Variants in ANO2 observed in about 807,000 individuals in gnomAD.
ANO2 encodes the protein anoctamin-2.
Under a neutral mutation model 124.2 loss-of-function variants are expected in ANO2, and 101 were observed. The ratio of observed to expected loss-of-function variants is 0.81; its 90% CI spans 0.69 to 0.96. The LOEUF (loss-of-function observed/expected upper bound fraction) is 0.96, where lower values mean the gene tolerates loss of function less well. Among genes scored for constraint, ANO2 ranks in the 40% least tolerant of loss-of-function variants. The pLI, the probability that ANO2 is intolerant of heterozygous loss-of-function variation, is 0.00. For missense variants in ANO2, 1,293 were observed against 1,274.5 expected (o/e 1.01, Z -0.22); for synonymous variants, 486 against 482.5 (o/e 1.01, Z -0.09).
intron 13 of ANO2, among the ~76,000 whole-genome samples, chr12:5,734,025 TA>T (rs1159477936): frequency 1.3e-5 from 2 of 152,242 alleles, no homozygotes; most frequent in Non-Finnish European, 2.9e-5. Flanking sequence ...TGAACGCTTG[TA>T]AAGTGCACTT....
At chr12:5,665,868 C>T (rs1947685528) in intron 14 of ANO2, among the ~76,000 whole-genome samples, 1 of 152,078 alleles carries the variant, frequency 6.6e-6, no homozygotes, top group African/African-American at 2.4e-5. Context: ...AGAGCCACCC[C>T]CCTGTGCCAC....
intron 3 of ANO2, among the ~76,000 whole-genome samples, chr12:5,916,745 G>C (rs1941404425): frequency 6.7e-6 from 1 of 150,246 alleles, no homozygotes; most frequent in Non-Finnish European, 1.5e-5. Context: ...ACAAAACACT[G>C]TATCTTTTCC....
intron 14 of ANO2, among the ~76,000 whole-genome samples, chr12:5,689,612 C>T (rs1948848820): frequency 6.6e-6 from 1 of 152,124 alleles, no homozygotes; most frequent in Non-Finnish European, 1.5e-5. Flanking sequence ...TCTATCTTTC[C>T]TTCCAAACTC....
intron 22 of ANO2, among the ~76,000 whole-genome samples, chr12:5,576,974 C>T (rs1358058274): frequency 6.6e-6 from 1 of 152,102 alleles, no homozygotes; most frequent in African/African-American, 2.4e-5. Flanking sequence ...TTATTATCTC[C>T]CATTTGACAG....
rs56222447 is a variant in ANO2, at chr12:5,862,129, G to C, written c.535-7988C>G. Among the ~76,000 whole-genome samples, 2,640 of 152,240 alleles carry C rather than the reference G, an allele frequency of 0.017. 69 individuals are homozygous for C. Among genetic ancestry groups the C allele is most frequent in the African/African-American group, 0.056 (2,336 of 41,532 alleles). Reference sequence around the variant, plus strand: ...ATTTGGGATTAAGCAAAGGGAAGAAGTTCCTGCCTAGGGAAGGAAAGGTGG... The same window carrying C: ...ATTTGGGATTAAGCAAAGGGAAGAACTTCCTGCCTAGGGAAGGAAAGGTGG... On this transcript the variant is annotated intron_variant, in intron 3 of 24. Coordinates refer to ENST00000682330, the MANE Select transcript of ANO2 (RefSeq NM_001364791.2). The surrounding 1 kb of genome is among the most constrained non-coding windows in gnomAD (Gnocchi z 4.0).
At chr12:5,582,795 A>T (rs1267270709) in intron 20 of ANO2, among the ~76,000 whole-genome samples, 1 of 152,122 alleles carries the variant, frequency 6.6e-6, no homozygotes, top group South Asian at 2.1e-4. Flanking sequence ...ACATGCCACT[A>T]CTGTCTGTAA....
intron 12 of ANO2, chr12:5,741,065 G>A (rs1951079165): frequency 6.6e-6 from 1 of 152,348 alleles, no homozygotes; most frequent in Non-Finnish European, 1.5e-5. Flanking sequence ...TGGAAAGGGA[G>A]GGACATGACA....
rs372550101 is a variant in ANO2, at chr12:5,660,088, G to A, written c.1546-12287C>T. ...TGCAGAAGGTCCCTGACTTAATGAT[G>A]GTTCGACTTACAATTTTTCGACTTT... is the stretch of plus-strand genomic sequence containing the variant. On this transcript the variant is annotated intron_variant, in intron 14 of 24. Transcript: ENST00000682330. 8.5e-5 allele frequency among the ~76,000 whole-genome samples: 13 copies of A among 152,142 alleles called. No homozygotes were observed. In the South Asian group the frequency reaches 1.5e-3, roughly 17 times the overall value.
intron 3 of ANO2, among the ~76,000 whole-genome samples, chr12:5,915,818 A>C (rs1941346231): frequency 6.6e-6 from 1 of 152,256 alleles, no homozygotes; most frequent in Admixed American, 6.5e-5. Context: ...CCAACATGGC[A>C]TGGAGGGAGC....
chr12:5,791,223 T>C (rs1952685579), intron 10 of ANO2, among the ~76,000 whole-genome samples: 2 of 151,842 alleles, frequency 1.3e-5, no homozygotes, highest in South Asian at 2.1e-4. Flanking sequence ...TAAATTAGAA[T>C]TGGGAACAGA....
intron 3 of ANO2, among the ~76,000 whole-genome samples, chr12:5,879,247 A>G (rs1179944512): frequency 6.9e-6 from 1 of 143,918 alleles, no homozygotes; most frequent in African/African-American, 2.4e-5. Context: ...ATGAAGCCGC[A>G]GGCAGGTAAA....
At chr12:5,729,950 C>G (rs1209326892) in intron 14 of ANO2, among the ~76,000 whole-genome samples, 1 of 152,172 alleles carries the variant, frequency 6.6e-6, no homozygotes, top group African/African-American at 2.4e-5. Flanking sequence ...CCAGAATAGG[C>G]AAATCTATAG....
At chr12:5,923,216 A>ACACACACACACACG in intron 1 of ANO2, among the ~76,000 whole-genome samples, 1 of 97,984 alleles carries the variant, frequency 1.0e-5, no homozygotes, top group African/African-American at 3.3e-5. Flanking sequence ...ACACCCACAT[A>ACACACACACACACG]CACACACACA....
At chr12:5,634,699 C>A (rs140837222) in intron 16 of ANO2, among the ~76,000 whole-genome samples, 49 of 152,266 alleles carry the variant, frequency 3.2e-4, no homozygotes, top group African/African-American at 1.1e-3. Flanking sequence ...GGGCCTCTGA[C>A]AATACGGGGA....
rs187740602 is a variant in ANO2, at chr12:5,908,452, G to A, written c.534+12588C>T. On this transcript the variant is annotated intron_variant, in intron 3 of 24. Coordinates refer to ENST00000682330, the MANE Select transcript of ANO2 (RefSeq NM_001364791.2). The surrounding 1 kb of genome is among the most constrained non-coding windows in gnomAD (Gnocchi z 4.7). ...CACCAGCAGTCACCCTATCCAAGCCGAGAGTCCGACTGCCCAGGGTGCTGG... is the reference window on the plus strand; with the variant it reads ...CACCAGCAGTCACCCTATCCAAGCCAAGAGTCCGACTGCCCAGGGTGCTGG... 1.0e-3 allele frequency among the ~76,000 whole-genome samples: 153 copies of A among 152,324 alleles called. 1 individual carries two copies. The East Asian group carries it at 0.02, about 20-fold the overall frequency.
chr12:5,910,072 G>C (rs1467525439), intron 3 of ANO2, among the ~76,000 whole-genome samples: 1 of 152,182 alleles, frequency 6.6e-6, no homozygotes, highest in Non-Finnish European at 1.5e-5. Flanking sequence ...GAAATAATGA[G>C]ACCTAGAGAC....
intron 19 of ANO2, among the ~76,000 whole-genome samples, chr12:5,601,379 G>T (rs1292270909): frequency 2.6e-5 from 4 of 151,830 alleles, no homozygotes; most frequent in Non-Finnish European, 5.9e-5. Context: ...AATTTCATAA[G>T]AAAAATTTCA....
chr12:5,576,077 C>T (rs1447674527), intron 22 of ANO2, 62 bp from the exon 23 acceptor site: 1 of 1,459,488 alleles, frequency 6.9e-7, no homozygotes, highest in South Asian at 1.4e-5. Context: ...ACTGTCCACT[C>T]TTAGGCTCCC....
chr12:5,753,277 T>A (rs1164703586), intron 10 of ANO2, among the ~76,000 whole-genome samples: 1 of 152,088 alleles, frequency 6.6e-6, no homozygotes, highest in African/African-American at 2.4e-5. Context: ...GAGGGTATGG[T>A]ATGGTCATCC....
Sources: gnomAD v4.1 joint callset for allele counts (sites outside exome capture counted in the v4.1 genomes callset) on GRCh38, gnomAD v4.1.1 for gene constraint, Gnocchi (gnomAD v3.1) non-coding constraint, MANE v1.5 for transcripts, NCBI Gene and HGNC (gene_info 2026-07-23, HGNC 2026-07-21) for gene names.